CLIC2: variants seen among roughly 807,000 people sequenced by gnomAD.
The protein encoded by CLIC2 is chloride intracellular channel protein 2.
Under a neutral mutation model 14.8 loss-of-function variants are expected in CLIC2, and 9 were observed. The observed-to-expected ratio is 0.61, with a 90% CI of 0.37 to 1.06. CLIC2 has a LOEUF of 1.06. Among genes scored for constraint, CLIC2 ranks in the 50% least tolerant of loss-of-function variants. CLIC2 has a pLI of 0.01. For synonymous variants in CLIC2, 61 were observed against 66.3 expected (o/e 0.92, Z 0.39); for missense variants, 148 against 181.4 (o/e 0.82, Z 1.06).
rs2075098190 is a variant in CLIC2, at chrX:155,317,222, T to A, written c.57+17149A>T. 2.7e-5 allele frequency among the ~76,000 whole-genome samples: 3 copies of A among 111,412 alleles called. No individual in the cohort carries two copies. The South Asian group carries it at 1.1e-3, about 42-fold the overall frequency. ...AAAGAAATAAAGATCAGAGCAGAAC[T>A]AAGTGAAATTGAAACAAACAAACAA... On this transcript the variant is annotated intron_variant, in intron 1 of 5. Coordinates refer to ENST00000369449, the MANE Select transcript of CLIC2 (RefSeq NM_001289.6).
At chrX:155,288,259 T>C (rs1190157624) in intron 3 of CLIC2, among the ~76,000 whole-genome samples, 1 of 112,142 alleles carries the variant, frequency 8.9e-6, no homozygotes, top group Non-Finnish European at 1.9e-5. Flanking sequence ...TATAAATTTA[T>C]TGGGAATATG....
intron 1 of CLIC2, among the ~76,000 whole-genome samples, chrX:155,302,883 A>T (rs1190624675): frequency 1.2e-5 from 1 of 82,572 alleles, no homozygotes; most frequent in Non-Finnish European, 2.4e-5. Context: ...CATGTAGTTG[A>T]GCGGTTTTGA....
intron 1 of CLIC2, among the ~76,000 whole-genome samples, chrX:155,314,000 C>CCA (rs1434336871): frequency 9.0e-6 from 1 of 111,061 alleles, no homozygotes; most frequent in Non-Finnish European, 1.9e-5. Flanking sequence ...GGCCTGGGAA[C>CCA]CACACCCCCA....
chrX:155,313,566 T>G (rs2075082509), intron 1 of CLIC2, among the ~76,000 whole-genome samples: 1 of 112,237 alleles, frequency 8.9e-6, no homozygotes. Flanking sequence ...AGATGGCAGA[T>G]AGGAGGCAGC....
chrX:155,320,491 G>A (rs782801733), intron 1 of CLIC2, among the ~76,000 whole-genome samples: 8 of 112,032 alleles, frequency 7.1e-5, no homozygotes, highest in Admixed American at 6.6e-4. Context: ...GCAAAACTAA[G>A]ATACAGAAAG....
intron 1 of CLIC2, among the ~76,000 whole-genome samples, chrX:155,329,341 C>A (rs782290144): frequency 1.1e-4 from 12 of 108,278 alleles, no homozygotes; most frequent in Non-Finnish European, 2.3e-4. Context: ...GGTGAAGAGC[C>A]ATATGAAAAG....
In CLIC2 at chrX:155,307,097, C is replaced by CAT. The variant is rs782326399; in HGVS notation, c.58-7954_58-7953dup. Among the ~76,000 whole-genome samples the CAT allele has an allele frequency of 2.2e-4, 24 of 111,124 alleles. No homozygotes were observed. In the South Asian group the frequency reaches 2.3e-3, roughly 10 times the overall value. ...GTGTGTAACATATACCAGACATATACATATATATATACACACCAGATATTA... is the reference window on the plus strand; with the variant it reads ...GTGTGTAACATATACCAGACATATACATATATATATATACACACCAGATATTA... On this transcript the variant is annotated intron_variant, in intron 1 of 5. Coordinates refer to ENST00000369449, the MANE Select transcript of CLIC2 (RefSeq NM_001289.6).
chrX:155,280,990 G>GATATAT (rs373277985), intron 3 of CLIC2, among the ~76,000 whole-genome samples: 7,614 of 89,581 alleles, frequency 0.085, 311 homozygotes, highest in South Asian at 0.18. Flanking sequence ...GAAATTGTGA[G>GATATAT]ATATATATAT....
chrX:155,333,821 T>C (rs1557323061), intron 1 of CLIC2, among the ~76,000 whole-genome samples: 1 of 109,021 alleles, frequency 9.2e-6, no homozygotes, highest in African/African-American at 3.3e-5. Context: ...GCACACAGAC[T>C]CCTGTTTTTT....
intron 3 of CLIC2, among the ~76,000 whole-genome samples, chrX:155,295,048 G>A (rs1178236318): frequency 9.0e-6 from 1 of 111,363 alleles, no homozygotes; most frequent in Non-Finnish European, 1.9e-5. Flanking sequence ...ACAAAAACCA[G>A]ACAAGAACAC....
Position 155,334,389 on chromosome X carries a change from C to T in CLIC2, c.39G>A (p.Glu13=). 8.3e-7 allele frequency: 1 copy of T among 1,209,162 alleles called. No individual in the cohort carries two copies. The highest frequency in any genetic ancestry group is 1.1e-6 in the Non-Finnish European group (1 of 893,091). The change falls in exon 1 of 6, where the codon GAG becomes GAA. Residue 13 remains glutamate (E), a synonymous_variant. Transcript: ENST00000369449. Reference sequence around the variant, plus strand: ...AACTTACCTTTACAAAAAGCTCAATCTCAGGGTCCACTTGAGTGCCGGGCC... The same window carrying T: ...AACTTACCTTTACAAAAAGCTCAATTTCAGGGTCCACTTGAGTGCCGGGCC... The part of the protein sequence containing the change: ...GLRPGTQVDP[E]IELFVKAGSD...
chrX:155,280,133 T>C, intron 3 of CLIC2, 65 bp from the exon 4 acceptor site: 2 of 733,715 alleles, frequency 2.7e-6, no homozygotes, highest in Non-Finnish European at 4.3e-6. Context: ...GTGCCCTAGC[T>C]TGCACTATAC....
chrX:155,300,403 T>G (rs1459177273), intron 1 of CLIC2, among the ~76,000 whole-genome samples: 1 of 111,313 alleles, frequency 9.0e-6, no homozygotes, highest in Non-Finnish European at 1.9e-5. Flanking sequence ...TCATGTCCTT[T>G]GCCCACTTTT....
intron 3 of CLIC2, chrX:155,293,100 C>CGAA: frequency 1.6e-6 from 1 of 619,301 alleles, no homozygotes; most frequent in Non-Finnish European, 2.8e-6. Flanking sequence ...CAGATGACGG[C>CGAA]GAAGATGGTT....
intron 1 of CLIC2, among the ~76,000 whole-genome samples, chrX:155,301,504 T>C (rs1275415247): frequency 9.3e-6 from 1 of 107,396 alleles, no homozygotes; most frequent in Non-Finnish European, 1.9e-5. Context: ...TTTCTAGATC[T>C]ACAATCATGT....
intron 3 of CLIC2, chrX:155,291,477 TTTCTATG>T: frequency 2.6e-6 from 1 of 388,924 alleles, no homozygotes. Context: ...ATAGTTTGAC[TTTCTATG>T]TTCCTATTTA....
intron 1 of CLIC2, among the ~76,000 whole-genome samples, chrX:155,314,033 G>A (rs868921592): frequency 2.7e-5 from 3 of 111,226 alleles, no homozygotes; most frequent in Middle Eastern, 9.2e-3. Context: ...GCCACAGCAA[G>A]CTACACTCAA....
intron 1 of CLIC2, among the ~76,000 whole-genome samples, chrX:155,329,929 C>A (rs1226765253): frequency 1.8e-5 from 2 of 111,024 alleles, no homozygotes; most frequent in African/African-American, 6.5e-5. Context: ...ATAAAATAAG[C>A]CAGGCACAGA....
rs1446453794 is a variant in CLIC2, at chrX:155,299,100, G to A, written c.103C>T (p.Arg35Cys). 1.2e-5 allele frequency: 15 copies of A among 1,207,750 alleles called. No individual in the cohort carries two copies. The highest frequency in any genetic ancestry group is 8.8e-5 in the African/African-American group (5 of 57,042). ...TTAAGCCAGAGGATCATGAAAAGGC[G>A]TTGGCAAAAGGGACAGTTTCCAATA... ...ESIGNCPFCQ[R>C]LFMILWLKGV... The change falls in exon 2 of 6, where the codon CGC (arginine) becomes TGC (cysteine). Residue 35 changes from arginine to cysteine, a missense_variant. Coordinates refer to ENST00000369449, the MANE Select transcript of CLIC2 (RefSeq NM_001289.6).
Sources: gnomAD v4.1 joint callset for allele counts (sites outside exome capture counted in the v4.1 genomes callset) on GRCh38, gnomAD v4.1.1 for gene constraint, MANE v1.5 for transcripts, NCBI Gene and HGNC (gene_info 2026-07-23, HGNC 2026-07-21) for gene names.